TEX9: variants seen among roughly 807,000 people sequenced by gnomAD.
The protein encoded by TEX9 is testis expressed 9.
A neutral mutation model predicts 59.6 loss-of-function variants in TEX9; 74 were observed. That is an observed-to-expected ratio of 1.24 (90% CI 1.03 to 1.51). The LOEUF is 1.51. TEX9 is among the 40% of genes most tolerant of loss of function. TEX9 has a pLI of 0.00. For synonymous variants in TEX9, 186 were observed against 152.2 expected (o/e 1.22, Z -1.64); for missense variants, 522 against 447.8 (o/e 1.17, Z -1.49).
intron 6 of TEX9, among the ~76,000 whole-genome samples, chr15:56,389,881 T>A (rs2048126569): frequency 6.6e-6 from 1 of 151,900 alleles, no homozygotes; most frequent in Non-Finnish European, 1.5e-5. Context: ...TTCAAGACGG[T>A]TCTTAGTATT....
intron 1 of TEX9, among the ~76,000 whole-genome samples, chr15:56,271,843 A>T (rs79946863): frequency 0.026 from 4,017 of 152,304 alleles, 174 homozygotes; most frequent in African/African-American, 0.091. Flanking sequence ...AAAACATTTT[A>T]AAAATGTACA....
At chr15:56,441,614 A>G (rs1344223089) in intron 12 of TEX9, among the ~76,000 whole-genome samples, 1 of 152,246 alleles carries the variant, frequency 6.6e-6, no homozygotes, top group Admixed American at 6.5e-5. Context: ...TCAACAGAAT[A>G]AACAGACAAC....
chr15:56,444,443 C>A (rs754241234), intron 12 of TEX9: 3 of 1,602,436 alleles, frequency 1.9e-6, no homozygotes, highest in African/African-American at 1.3e-5. Context: ...GATAAACTTA[C>A]AACTGATCTT....
downstream of TEX9, among the ~76,000 whole-genome samples, chr15:56,448,709 CT>C (rs557430581): frequency 2.0e-4 from 29 of 146,240 alleles, no homozygotes; most frequent in South Asian, 6.3e-3. Context: ...AATGCATATG[CT>C]TTTTTTGGTA....
chr15:56,431,278 A>C, intron 12 of TEX9: 1 of 1,440,950 alleles, frequency 6.9e-7, no homozygotes, highest in Non-Finnish European at 9.5e-7. Context: ...CCGAGCAAGA[A>C]GTGAGCAAAA....
chr15:56,403,250 C>G (rs1467991472), intron 9 of TEX9, among the ~76,000 whole-genome samples: 2 of 152,202 alleles, frequency 1.3e-5, no homozygotes, highest in Admixed American at 6.5e-5. Flanking sequence ...CGTCTCAGCC[C>G]AAAATCTCCT....
chr15:56,287,851 T>C (rs2044990022), intron 1 of TEX9, among the ~76,000 whole-genome samples: 1 of 152,056 alleles, frequency 6.6e-6, no homozygotes, highest in African/African-American at 2.4e-5. Flanking sequence ...AATGACAGGG[T>C]TTCCTTCCTT....
At chr15:56,396,352 C>T (rs796800092) in intron 9 of TEX9, 79 of 152,128 alleles carry the variant, frequency 5.2e-4, no homozygotes, top group African/African-American at 1.8e-3. Context: ...GTGTACAATT[C>T]TATGAGTTTT....
intron 1 of TEX9, among the ~76,000 whole-genome samples, chr15:56,359,302 C>G (rs773252363): frequency 1.6e-4 from 24 of 152,066 alleles, no homozygotes; most frequent in Non-Finnish European, 2.6e-4. Context: ...TAATCTTTAT[C>G]CATTTTCAGA....
intron 1 of TEX9, among the ~76,000 whole-genome samples, chr15:56,267,154 C>T (rs1301040658): frequency 1.3e-5 from 2 of 152,118 alleles, no homozygotes; most frequent in African/African-American, 4.8e-5. Context: ...ATGTCCTTTG[C>T]CCAGTTTTTG....
chr15:56,270,460 G>A (rs531343113), intron 1 of TEX9, among the ~76,000 whole-genome samples: 1 of 152,256 alleles, frequency 6.6e-6, no homozygotes, highest in East Asian at 1.9e-4. Flanking sequence ...CAGAGACCAA[G>A]ATTGCAACCC....
intron 1 of TEX9, among the ~76,000 whole-genome samples, chr15:56,271,632 A>G (rs2141397369): frequency 6.6e-6 from 1 of 152,082 alleles, no homozygotes; most frequent in Middle Eastern, 3.4e-3. Context: ...ATGTTCCTAT[A>G]TTGAAGTCGT....
At chr15:56,458,191 T>C in the TEX9 span, among the ~76,000 whole-genome samples, 1 of 152,236 alleles carries the variant, frequency 6.6e-6, no homozygotes, top group Non-Finnish European at 1.5e-5. Context: ...ATATAATTCA[T>C]ATAGCATAAA....
intron 1 of TEX9, among the ~76,000 whole-genome samples, chr15:56,312,633 T>C (rs1283600511): frequency 6.9e-6 from 1 of 144,960 alleles, no homozygotes; most frequent in Non-Finnish European, 1.5e-5. Flanking sequence ...TGCGGGCTCT[T>C]TTTTGGTTCC....
intron 1 of TEX9, among the ~76,000 whole-genome samples, chr15:56,283,605 A>G (rs2044871734): frequency 6.6e-6 from 1 of 152,208 alleles, no homozygotes. Context: ...ATCAAAATAA[A>G]TTCCAGATGG....
Position 56,301,960 on chromosome 15 carries a change from C to G in TEX9, c.-107+57682C>G, listed in dbSNP as rs1210557068. On this transcript the variant is annotated intron_variant, in intron 1 of 5. Coordinates refer to the TEX9 transcript ENST00000560827. ...TGAGTAGAAAGACTGAAAGAAGAAC[C>G]AATCAAAACGAATAATTACAACTTT... 2.6e-5 allele frequency among the ~76,000 whole-genome samples: 4 copies of G among 152,004 alleles called. No individual in the cohort carries two copies. In the South Asian group the frequency reaches 6.2e-4, roughly 24 times the overall value.
At chr15:56,306,170 G>C (rs2045477482) in intron 1 of TEX9, among the ~76,000 whole-genome samples, 1 of 142,062 alleles carries the variant, frequency 7.0e-6, no homozygotes, top group Admixed American at 7.6e-5. Context: ...AATTAGTACA[G>C]CCACTATGCA....
chr15:56,452,933 G>C, the TEX9 span, among the ~76,000 whole-genome samples: 152,174 of 152,318 alleles, frequency 1, 76,015 homozygotes, highest in Non-Finnish European at 1. Flanking sequence ...AACTTGCAAG[G>C]AGGACTTTCT....
intron 1 of TEX9, among the ~76,000 whole-genome samples, chr15:56,249,975 A>T (rs1275332229): frequency 6.6e-6 from 1 of 152,030 alleles, no homozygotes; most frequent in Admixed American, 6.6e-5. Context: ...GCCAGTGAGG[A>T]TGTCAAAGTC....
Sources: gnomAD v4.1 joint callset for allele counts (sites outside exome capture counted in the v4.1 genomes callset) on GRCh38, gnomAD v4.1.1 for gene constraint, MANE v1.5 for transcripts, NCBI Gene and HGNC (gene_info 2026-07-23, HGNC 2026-07-21) for gene names.